NIPSNAP2: variants seen among roughly 807,000 people sequenced by gnomAD.
NIPSNAP2 encodes nipsnap homolog 2, also known as protein NipSnap homolog 2.
NIPSNAP2 carries 42 observed loss-of-function variants against 48.4 expected under a neutral mutation model. The ratio of observed to expected loss-of-function variants is 0.87; its 90% CI spans 0.68 to 1.12. The LOEUF is 1.12. Among genes scored for constraint, NIPSNAP2 ranks in the 50% most tolerant of loss-of-function variants. The pLI, the probability that NIPSNAP2 is intolerant of heterozygous loss-of-function variation, is 0.00. For synonymous variants in NIPSNAP2, 158 were observed against 126.6 expected, an observed-to-expected ratio of 1.25 and a Z score of -1.67; for missense variants, 314 against 347.3, an observed-to-expected ratio of 0.90 and a Z score of 0.76.
rs765733875 is a variant in NIPSNAP2, at chr7:55,979,496, C to T, written c.278+1101C>T. 9 of 282,116 alleles carry T rather than the reference C, an allele frequency of 3.2e-5. 1 individual carries two copies. The highest frequency in any genetic ancestry group is 1.4e-3 in the Middle Eastern group (1 of 732). 17.5% of individuals were successfully genotyped at this position (282,116 alleles called of 1,614,324 possible). On this transcript the variant is annotated intron_variant, in intron 3 of 9. Transcript: ENST00000322090. ...GTTTTACTCAGCCCGTTCCTTAGTT[C>T]TCTGTGGTGAATCTGTCACCTAAGC...
At chr7:55,982,932 G>A (rs551799613) in intron 5 of NIPSNAP2, among the ~76,000 whole-genome samples, 42 of 151,942 alleles carry the variant, frequency 2.8e-4, no homozygotes, top group African/African-American at 9.9e-4. Context: ...AGACCAGCGT[G>A]GCCAACATGG....
At position 55,981,054 on chromosome 7, in the gene NIPSNAP2, C is replaced by T. The variant is rs79896977; in HGVS notation, c.279-419C>T. The T allele has an allele frequency of 5.3e-3, 805 of 152,760 alleles. 2 individuals are homozygous for T. Among genetic ancestry groups the T allele is most frequent in the Non-Finnish European group, 9.7e-3 (661 of 68,384 alleles). The allele number at this position is 152,760 out of a possible 1,614,324, so 9.5% of individuals were successfully genotyped here. On this transcript the variant is annotated intron_variant, in intron 3 of 9. Transcript: ENST00000322090. ...CTTGAACATTACTTTCCTCCCTTTC[C>T]ATCTTCCTTATTTCTTCTGTGTTCT...
intron 3 of NIPSNAP2, 119 bp downstream of exon 3, chr7:55,978,514 C>A: frequency 1.1e-6 from 1 of 923,562 alleles, no homozygotes. Context: ...TGAAGCTGAA[C>A]ATTCAGAGGC....
At chr7:55,967,630 C>CTTT (rs1786923445) in intron 1 of NIPSNAP2, among the ~76,000 whole-genome samples, 1 of 111,344 alleles carries the variant, frequency 9.0e-6, no homozygotes, top group Non-Finnish European at 2.0e-5. Flanking sequence ...CCATGCCCAG[C>CTTT]TATTATTTAT....
intron 7 of NIPSNAP2, among the ~76,000 whole-genome samples, chr7:55,986,096 G>A (rs1337804136): frequency 6.6e-6 from 1 of 151,988 alleles, no homozygotes; most frequent in Non-Finnish European, 1.5e-5. Flanking sequence ...GATGGCTCAT[G>A]CCTGTAATTC....
At chr7:55,983,632 C>G in intron 5 of NIPSNAP2, 96 bp from the exon 6 acceptor site, 1 of 1,287,270 alleles carries the variant, frequency 7.8e-7, no homozygotes, top group Non-Finnish European at 1.1e-6. Flanking sequence ...CTGTTGATTA[C>G]CCTATTATAG....
At chr7:55,993,760 C>A (rs556838476) in intron 7 of NIPSNAP2, among the ~76,000 whole-genome samples, 1 of 151,914 alleles carries the variant, frequency 6.6e-6, no homozygotes, top group Non-Finnish European at 1.5e-5. Context: ...AGAGCTGATA[C>A]CTTTTGCAGT....
chr7:55,966,763 C>A (rs1786903377), intron 1 of NIPSNAP2, among the ~76,000 whole-genome samples: 1 of 152,136 alleles, frequency 6.6e-6, no homozygotes, highest in South Asian at 2.1e-4. Context: ...GCCTAGGTGA[C>A]AGAGCCAGAC....
chr7:55,981,488 A>G lies in NIPSNAP2; in HGVS notation c.294A>G (p.Pro98=). 6.2e-7 allele frequency: 1 copy of G among 1,613,780 alleles called. No individual in the cohort carries two copies. The highest frequency in any genetic ancestry group is 8.5e-7 in the Non-Finnish European group (1 of 1,179,798). The change falls in exon 4 of 10, where the codon CCA becomes CCG. Residue 98 remains proline, a synonymous_variant. Transcript: ENST00000322090. ...TCTCTTTAAGTCAAGAGGTGTTGCC[A>G]AAGATTCACGAAGATAAACACTACC... ...AYNKICQEVL[P]KIHEDKHYPC... is the part of the protein sequence containing the mutation.
intron 1 of NIPSNAP2, among the ~76,000 whole-genome samples, chr7:55,967,233 C>G (rs759459804): frequency 8.5e-5 from 13 of 152,240 alleles, no homozygotes; most frequent in Non-Finnish European, 1.5e-4. Flanking sequence ...TTGTTCTTCT[C>G]CAGTCATGAA....
intron 7 of NIPSNAP2, among the ~76,000 whole-genome samples, chr7:55,993,176 G>C (rs1410578011): frequency 2.0e-5 from 3 of 151,838 alleles, no homozygotes; most frequent in Non-Finnish European, 4.4e-5. Flanking sequence ...GTGCACACCT[G>C]TAATCCCAGC....
At chr7:55,975,782 A>G (rs367638756) in intron 1 of NIPSNAP2, among the ~76,000 whole-genome samples, 1 of 152,202 alleles carries the variant, frequency 6.6e-6, no homozygotes, top group East Asian at 1.9e-4. Flanking sequence ...TCACACCTAT[A>G]ATCCCAGCAC....
chr7:55,994,787 T>C (rs1787523125), intron 7 of NIPSNAP2, 107 bp from the exon 8 acceptor site: 2 of 838,556 alleles, frequency 2.4e-6, no homozygotes, highest in Admixed American at 3.8e-5. Flanking sequence ...AAACCATTAG[T>C]CTTCATTTTA....
chr7:55,970,294 G>A (rs948059528), intron 1 of NIPSNAP2, among the ~76,000 whole-genome samples: 12 of 151,506 alleles, frequency 7.9e-5, no homozygotes, highest in Non-Finnish European at 1.0e-4. Context: ...CTGCCAGGCT[G>A]CTTTTGACAC....
intron 7 of NIPSNAP2, among the ~76,000 whole-genome samples, chr7:55,985,704 C>G (rs562988283): frequency 6.7e-6 from 1 of 150,270 alleles, no homozygotes; most frequent in African/African-American, 2.5e-5. Context: ...CAAGATTGCA[C>G]CACTGCACTC....
chr7:55,993,626 A>G (rs1232278497), intron 7 of NIPSNAP2, among the ~76,000 whole-genome samples: 1 of 151,192 alleles, frequency 6.6e-6, no homozygotes, highest in Non-Finnish European at 1.5e-5. Context: ...CATAACCCCA[A>G]CTACTCAGGA....
intron 1 of NIPSNAP2, among the ~76,000 whole-genome samples, chr7:55,967,132 G>C (rs1247873769): frequency 1.3e-5 from 2 of 152,238 alleles, no homozygotes; most frequent in South Asian, 2.1e-4. Flanking sequence ...GCCGCTTCCT[G>C]GACATTGCAT....
At chr7:55,997,552 GGATA>G in intron 9 of NIPSNAP2, 103 bp downstream of exon 9, 1 of 851,666 alleles carries the variant, frequency 1.2e-6, no homozygotes, top group Non-Finnish European at 1.9e-6. Flanking sequence ...TATGTTGCTA[GGATA>G]GTGAGTTATC....
At chr7:55,983,928 G>C (rs1286593860) in intron 6 of NIPSNAP2, 60 bp downstream of exon 6, 11 of 1,510,758 alleles carry the variant, frequency 7.3e-6, no homozygotes, top group Non-Finnish European at 9.1e-6. Flanking sequence ...CAAGCATTTT[G>C]TAAGGCTGAC....
Sources: allele counts gnomAD v4.1 joint callset (sites outside exome capture counted in the v4.1 genomes callset), GRCh38; gene constraint gnomAD v4.1.1; transcripts MANE v1.5; gene names NCBI Gene and HGNC (gene_info 2026-07-23, HGNC 2026-07-21).